METTL22: variants seen among roughly 807,000 people sequenced by gnomAD.
The protein encoded by METTL22 is methyltransferase 22, Kin17 lysine.
In METTL22, 51 loss-of-function variants were observed where a neutral mutation model predicts 48.4. The observed-to-expected ratio is 1.05, with a 90% CI of 0.84 to 1.33. The LOEUF is 1.33. Among genes scored for constraint, METTL22 ranks in the 40% most tolerant of loss-of-function variants. The pLI is 0.00. For synonymous variants in METTL22, 255 were observed against 214.1 expected, an observed-to-expected ratio of 1.19 and a Z score of -1.67; for missense variants, 678 against 526.9, an observed-to-expected ratio of 1.29 and a Z score of -2.81.
At position 8,635,516 on chromosome 16, in the gene METTL22, C is replaced by T. The variant is rs908621645; in HGVS notation, c.700+204C>T. Among the ~76,000 whole-genome samples, 5 of 152,206 alleles carry T rather than the reference C, an allele frequency of 3.3e-5. No homozygotes were observed. In the East Asian group the frequency reaches 9.6e-4, roughly 29 times the overall value. On this transcript the variant is annotated intron_variant, in intron 5 of 10. Coordinates refer to ENST00000381920, the MANE Select transcript of METTL22 (RefSeq NM_024109.4). ...AGCAATACCCACTCAGCAGCAGCAG[C>T]GTCACCCAGTGGCTATAAGGCCATT...
intron 1 of METTL22, among the ~76,000 whole-genome samples, chr16:8,625,253 G>C (rs754064447): frequency 6.6e-6 from 1 of 152,046 alleles, no homozygotes; most frequent in African/African-American, 2.4e-5. Context: ...TGGCAAAATG[G>C]TGAGGATCAT....
intron 5 of METTL22, 122 bp downstream of exon 5, chr16:8,635,434 C>A: frequency 8.3e-7 from 1 of 1,204,470 alleles, no homozygotes; most frequent in Non-Finnish European, 1.1e-6. Flanking sequence ...ATTTTGCCAT[C>A]CTGGTCCCCT....
At position 8,628,929 on chromosome 16, in the gene METTL22, G is replaced by A. The variant is rs1473458402; in HGVS notation, c.333G>A (p.Val111=). Residue 111 remains valine (V), a synonymous_variant, in exon 3 of 11, where the codon GTG becomes GTA. Coordinates refer to ENST00000381920, the MANE Select transcript of METTL22 (RefSeq NM_024109.4). ...QAGTDTTGQE[V]AEAQLDEDGD... ...GGACTGACACCACTGGCCAGGAAGT[G>A]GCTGAAGCTCAGCTGGATGAGGATG... 1 of 1,614,142 alleles carries A rather than the reference G, an allele frequency of 6.2e-7. No homozygotes were observed. The highest frequency in any genetic ancestry group is 8.5e-7 in the Non-Finnish European group (1 of 1,180,032).
downstream of METTL22, among the ~76,000 whole-genome samples, chr16:8,654,179 G>A (rs1034250362): frequency 6.6e-6 from 1 of 152,226 alleles, no homozygotes; most frequent in Non-Finnish European, 1.5e-5. Flanking sequence ...TAAGGAGGGA[G>A]TAGGCAAGGG....
At chr16:8,628,690 A>G (rs2056146611) in intron 2 of METTL22, 40 bp from the exon 3 acceptor site, 3 of 1,555,978 alleles carry the variant, frequency 1.9e-6, no homozygotes, top group African/African-American at 1.4e-5. Flanking sequence ...AAAAGAAAAC[A>G]TCTTGGAATT....
Position 8,649,447 on chromosome 16 carries a change from C to T in METTL22, c.*3304C>T, listed in dbSNP as rs938476428. ...TAACATTTTCAGAAAAATATGTGACCCAAGGAGGGGACTTGGCTGTTCAGC... is the reference window on the plus strand; with the variant it reads ...TAACATTTTCAGAAAAATATGTGACTCAAGGAGGGGACTTGGCTGTTCAGC... On this transcript the variant is annotated 3_prime_UTR_variant, in exon 11 of 11. Coordinates refer to ENST00000381920, the MANE Select transcript of METTL22 (RefSeq NM_024109.4). 2.0e-5 allele frequency: 3 copies of T among 151,960 alleles called. No homozygotes were observed. Among genetic ancestry groups the T allele is most frequent in the African/African-American group, 7.3e-5 (3 of 41,350 alleles). The allele number at this position is 151,960 out of a possible 1,614,324, so 9.4% of individuals were successfully genotyped here. A position where few individuals can be genotyped will look rare whatever the true frequency, so the allele number is the denominator to read the frequency against.
At chr16:8,628,616 AC>A in intron 2 of METTL22, 113 bp from the exon 3 acceptor site, 1 of 1,376,028 alleles carries the variant, frequency 7.3e-7, no homozygotes, top group Non-Finnish European at 9.7e-7. Context: ...GTATATCTCT[AC>A]CTGGCCTTTA....
At chr16:8,638,586 T>C (rs2056494577) in intron 5 of METTL22, among the ~76,000 whole-genome samples, 1 of 152,096 alleles carries the variant, frequency 6.6e-6, no homozygotes, top group Admixed American at 6.5e-5. Context: ...TTCTGACGAA[T>C]CATAAGAAAA....
intron 2 of METTL22, among the ~76,000 whole-genome samples, chr16:8,626,021 C>T (rs2056038328): frequency 6.6e-6 from 1 of 152,078 alleles, no homozygotes; most frequent in Non-Finnish European, 1.5e-5. Flanking sequence ...TTCTTAAAGA[C>T]AATCTCACTC....
In METTL22 at chr16:8,646,446, T is replaced by G. The variant is rs1271866413; in HGVS notation, c.*303T>G. The G allele has an allele frequency of 1.6e-6, 1 of 635,090 alleles. No individual in the cohort carries two copies. The highest frequency in any genetic ancestry group is 2.1e-5 in the Admixed American group (1 of 47,850). 39.3% of individuals were successfully genotyped at this position (635,090 alleles called of 1,614,324 possible). On this transcript the variant is annotated 3_prime_UTR_variant, in exon 11 of 11. Coordinates refer to ENST00000381920, the MANE Select transcript of METTL22 (RefSeq NM_024109.4). The stretch of plus-strand genomic sequence containing the variant: ...CTCAGTTCCACCCACGTCAGTCATT[T>G]CAGCTGTGTGCTTTACTTGCGGTTG...
intron 8 of METTL22, 80 bp from the exon 9 acceptor site, chr16:8,642,383 C>T: frequency 1.5e-6 from 2 of 1,371,600 alleles, no homozygotes; most frequent in South Asian, 1.2e-5. Flanking sequence ...AGCATTCTCT[C>T]TGTGCGGATT....
At chr16:8,629,863 G>T (rs1386581211) in intron 3 of METTL22, among the ~76,000 whole-genome samples, 6 of 152,180 alleles carry the variant, frequency 3.9e-5, no homozygotes, top group African/African-American at 1.4e-4. Flanking sequence ...TCGTGTTTTG[G>T]ATATCTTCAC....
At chr16:8,634,574 G>A (rs1179886775) in intron 3 of METTL22, among the ~76,000 whole-genome samples, 2 of 152,066 alleles carry the variant, frequency 1.3e-5, no homozygotes, top group Non-Finnish European at 1.5e-5. Context: ...AACTTCTAAT[G>A]TAGATTTCTA....
At chr16:8,643,355 A>G (rs2056683650) in intron 9 of METTL22, among the ~76,000 whole-genome samples, 1 of 152,368 alleles carries the variant, frequency 6.6e-6, no homozygotes, top group African/African-American at 2.4e-5. Flanking sequence ...CTGTAAAGGA[A>G]AAACATCAGG....
chr16:8,641,523 G>C (rs2056618022), intron 7 of METTL22: 1 of 516,190 alleles, frequency 1.9e-6, no homozygotes, highest in East Asian at 5.2e-5. Flanking sequence ...AGACTCTGGG[G>C]CACAGACCAT....
intron 10 of METTL22, chr16:8,644,972 T>G: frequency 8.4e-6 from 3 of 358,026 alleles, no homozygotes; most frequent in Non-Finnish European, 1.0e-5. Flanking sequence ...ATAGCACATA[T>G]TCCCCCCGTT....
intron 2 of METTL22, among the ~76,000 whole-genome samples, chr16:8,626,698 C>A (rs1405502391): frequency 3.3e-5 from 5 of 151,450 alleles, no homozygotes; most frequent in African/African-American, 2.4e-5. Context: ...ATCCTCCCAC[C>A]CCGGCCTCCC....
the METTL22 span, among the ~76,000 whole-genome samples, chr16:8,659,258 G>A: frequency 6.6e-6 from 1 of 151,956 alleles, no homozygotes; most frequent in Non-Finnish European, 1.5e-5. Flanking sequence ...TTGAACCTGG[G>A]AGGCAGAGGT....
chr16:8,622,118 G>A (rs1231238547), intron 1 of METTL22, among the ~76,000 whole-genome samples: 1 of 152,198 alleles, frequency 6.6e-6, no homozygotes, highest in Non-Finnish European at 1.5e-5. Flanking sequence ...CCCCACGGGG[G>A]ACGTCCCCGG....
Sources: allele counts gnomAD v4.1 joint callset (sites outside exome capture counted in the v4.1 genomes callset), GRCh38; gene constraint gnomAD v4.1.1; transcripts MANE v1.5; gene names NCBI Gene and HGNC (gene_info 2026-07-23, HGNC 2026-07-21).